Variants in NRG3 observed in about 807,000 individuals in gnomAD.
NRG3 encodes the protein pro-neuregulin-3, membrane-bound isoform.
In NRG3, 31 loss-of-function variants were observed where a neutral mutation model predicts 66.9. The observed-to-expected ratio is 0.46, with a 90% confidence interval of 0.35 to 0.63. The LOEUF is 0.63. Ranked by LOEUF, NRG3 falls within the 20% of genes least tolerant of loss-of-function variation. NRG3 has a pLI of 0.00. For synonymous variants in NRG3, 393 were observed against 359.4 expected (o/e 1.09, Z -1.06); for missense variants, 910 against 878.9 (o/e 1.04, Z -0.45).
chr10:82,477,621 A>T (rs1342746027), intron 2 of NRG3, among the ~76,000 whole-genome samples: 2 of 152,192 alleles, frequency 1.3e-5, no homozygotes, highest in African/African-American at 4.8e-5. Flanking sequence ...GGTGGCATTT[A>T]CTGGGCCTTG....
chr10:81,918,055 A>T (rs1564656140), intron 1 of NRG3, among the ~76,000 whole-genome samples: 3 of 152,236 alleles, frequency 2.0e-5, no homozygotes, highest in Admixed American at 6.5e-5. Context: ...CAGAAAATAC[A>T]ATGGATCTGT....
intron 1 of NRG3, among the ~76,000 whole-genome samples, chr10:81,954,306 C>G (rs528625729): frequency 6.6e-6 from 1 of 152,216 alleles, no homozygotes; most frequent in South Asian, 2.1e-4. Flanking sequence ...CTTTTGAATA[C>G]TGGCAGTCAT....
chr10:82,533,149 ATTGT>A (rs1847461932), intron 2 of NRG3, among the ~76,000 whole-genome samples: 1 of 146,750 alleles, frequency 6.8e-6, no homozygotes, highest in Non-Finnish European at 1.5e-5. Flanking sequence ...GAGTTGGCTT[ATTGT>A]TTGTTTGTTT....
intron 1 of NRG3, chr10:81,878,209 A>T (rs2132446238): frequency 1.2e-6 from 1 of 836,520 alleles, no homozygotes; most frequent in East Asian, 2.7e-5. Context: ...AAAAGAGGGG[A>T]AAAATCTGTA....
chr10:82,021,539 G>T (rs1254291325), intron 1 of NRG3, among the ~76,000 whole-genome samples: 1 of 152,062 alleles, frequency 6.6e-6, no homozygotes, highest in African/African-American at 2.4e-5. Context: ...TACCAGAACA[G>T]CAATCAAAAT....
intron 4 of NRG3, 53 bp from the exon 5 acceptor site, chr10:82,951,416 T>G: frequency 7.2e-7 from 1 of 1,385,380 alleles, no homozygotes; most frequent in Non-Finnish European, 1.0e-6. Context: ...ATGAAGATAG[T>G]TGCTGATGCA....
At chr10:82,462,698 G>A (rs1242850046) in intron 2 of NRG3, among the ~76,000 whole-genome samples, 3 of 152,064 alleles carry the variant, frequency 2.0e-5, no homozygotes, top group Non-Finnish European at 4.4e-5. Flanking sequence ...CAAGATTGGG[G>A]GTGATTAGGG....
intron 2 of NRG3, among the ~76,000 whole-genome samples, chr10:82,394,069 T>C (rs572384353): frequency 7.9e-5 from 12 of 152,310 alleles, no homozygotes; most frequent in African/African-American, 2.6e-4. Flanking sequence ...TTGTCTCCAG[T>C]TGTGTCTCTG....
intron 2 of NRG3, among the ~76,000 whole-genome samples, chr10:82,490,861 A>C (rs1843032540): frequency 1.3e-5 from 2 of 152,260 alleles, no homozygotes; most frequent in South Asian, 2.1e-4. Context: ...TTTAAAATAA[A>C]TAATAAAAAA....
intron 1 of NRG3, among the ~76,000 whole-genome samples, chr10:82,194,615 G>T (rs1346161217): frequency 6.6e-6 from 1 of 152,114 alleles, no homozygotes; most frequent in Non-Finnish European, 1.5e-5. Flanking sequence ...GAGACTCATT[G>T]TACACAGCTC....
chr10:82,217,701 T>G (rs1430319099), intron 1 of NRG3, among the ~76,000 whole-genome samples: 1 of 149,586 alleles, frequency 6.7e-6, no homozygotes, highest in African/African-American at 2.5e-5. Flanking sequence ...TCAAAAGCAG[T>G]ATGGCCTGTG....
chr10:81,933,383 A>C (rs1847572744), intron 1 of NRG3, among the ~76,000 whole-genome samples: 1 of 152,178 alleles, frequency 6.6e-6, no homozygotes, highest in Non-Finnish European at 1.5e-5. Context: ...AGATATGTTC[A>C]TTAATGAATA....
intron 4 of NRG3, among the ~76,000 whole-genome samples, chr10:82,930,066 G>A (rs911051961): frequency 6.6e-6 from 1 of 152,042 alleles, no homozygotes; most frequent in African/African-American, 2.4e-5. Context: ...GCTTTAGATC[G>A]TTCATAATTG....
chr10:81,975,303 C>G (rs1589655022), intron 1 of NRG3, among the ~76,000 whole-genome samples: 1 of 151,478 alleles, frequency 6.6e-6, no homozygotes, highest in African/African-American at 2.4e-5. Context: ...TGAGCTCATA[C>G]AATTGTGTAA....
chr10:82,821,745 C>T (rs933812100), intron 3 of NRG3, among the ~76,000 whole-genome samples: 103 of 152,126 alleles, frequency 6.8e-4, no homozygotes, highest in Non-Finnish European at 1.2e-4. Context: ...ACTTAACTTC[C>T]CTGACTACAT....
intron 1 of NRG3, among the ~76,000 whole-genome samples, chr10:82,071,873 T>C (rs979567086): frequency 2.0e-5 from 3 of 152,192 alleles, no homozygotes; most frequent in African/African-American, 4.8e-5. Context: ...AGGGTTTGGT[T>C]GATATACTTG....
At chr10:82,236,071 C>T (rs2076738808) in intron 1 of NRG3, among the ~76,000 whole-genome samples, 1 of 152,054 alleles carries the variant, frequency 6.6e-6, no homozygotes, top group African/African-American at 2.4e-5. Flanking sequence ...TCCACTGTTT[C>T]TAATCATTAA....
chr10:82,109,455 A>T (rs565350165), intron 1 of NRG3, among the ~76,000 whole-genome samples: 5 of 152,122 alleles, frequency 3.3e-5, no homozygotes, highest in Non-Finnish European at 7.4e-5. Context: ...GCAGATTATT[A>T]TTCCAATTTT....
At chr10:82,310,592 A>G (rs1442298069) in intron 1 of NRG3, among the ~76,000 whole-genome samples, 1 of 152,204 alleles carries the variant, frequency 6.6e-6, no homozygotes, top group Admixed American at 6.5e-5. Context: ...ACTTTAGGCT[A>G]TTGTATGTGA....
Sources: gnomAD v4.1 joint callset for allele counts (sites outside exome capture counted in the v4.1 genomes callset) on GRCh38, gnomAD v4.1.1 for gene constraint, MANE v1.5 for transcripts, NCBI Gene and HGNC (gene_info 2026-07-23, HGNC 2026-07-21) for gene names.